The following PPP2R2B variants were observed in gnomAD, a reference collection of about 807,000 sequenced individuals.
PPP2R2B encodes serine/threonine-protein phosphatase 2A 55 kDa regulatory subunit B beta isoform.
Under a neutral mutation model 46.0 loss-of-function variants are expected in PPP2R2B, and 5 were observed. The observed-to-expected ratio is 0.11, with a 90% CI of 0.06 to 0.23. The LOEUF is 0.23. Ranked by LOEUF, PPP2R2B falls within the 10% of genes least tolerant of loss-of-function variation. The pLI is 1.00. For missense variants in PPP2R2B, 367 were observed against 575.0 expected, an observed-to-expected ratio of 0.64 and a Z score of 3.70; for synonymous variants, 215 against 206.7, an observed-to-expected ratio of 1.04 and a Z score of -0.34.
intron 2 of PPP2R2B, among the ~76,000 whole-genome samples, chr5:146,717,965 T>C (rs1780588064): frequency 6.6e-6 from 1 of 152,228 alleles, no homozygotes; most frequent in African/African-American, 2.4e-5. Context: ...CACATTGTTC[T>C]TTATAGTACT....
At chr5:147,040,818 A>C (rs1164492473) in intron 1 of PPP2R2B, 3 of 438,498 alleles carry the variant, frequency 6.8e-6, no homozygotes, top group African/African-American at 6.2e-5. Context: ...TAAAAAAAAA[A>C]AAAAAACTGT....
chr5:147,005,823 G>A (rs1391571871), intron 1 of PPP2R2B, among the ~76,000 whole-genome samples: 3 of 152,056 alleles, frequency 2.0e-5, no homozygotes, highest in Admixed American at 6.5e-5. Context: ...CAAACAGAGA[G>A]AAAGAGAAAT....
intron 2 of PPP2R2B, among the ~76,000 whole-genome samples, chr5:146,796,952 C>T (rs1192356911): frequency 6.6e-6 from 1 of 152,166 alleles, no homozygotes; most frequent in Non-Finnish European, 1.5e-5. Context: ...ATTTCACCAG[C>T]CTGTAACTCC....
chr5:146,929,778 T>C (rs1288887528), intron 1 of PPP2R2B, among the ~76,000 whole-genome samples: 3 of 152,192 alleles, frequency 2.0e-5, no homozygotes, highest in African/African-American at 7.2e-5. Context: ...AGGGTTTATA[T>C]CTTGGCTTGC....
At chr5:146,956,451 C>G (rs1470757815) in intron 1 of PPP2R2B, among the ~76,000 whole-genome samples, 1 of 152,114 alleles carries the variant, frequency 6.6e-6, no homozygotes, top group African/African-American at 2.4e-5. Flanking sequence ...TTTTGTTTCA[C>G]CAAAGATTTG....
intron 1 of PPP2R2B, chr5:147,040,912 C>T: frequency 2.6e-6 from 1 of 384,204 alleles, no homozygotes; most frequent in South Asian, 1.9e-5. Context: ...CTTATCAAGA[C>T]ACAAGCCTGC....
At chr5:146,642,124 C>T (rs1775263284) in intron 6 of PPP2R2B, among the ~76,000 whole-genome samples, 1 of 152,212 alleles carries the variant, frequency 6.6e-6, no homozygotes. Flanking sequence ...CTGGAGGCAG[C>T]TCTGAGGACA....
At chr5:146,603,929 AGAC>A (rs1403663235) in intron 7 of PPP2R2B, among the ~76,000 whole-genome samples, 1 of 152,244 alleles carries the variant, frequency 6.6e-6, no homozygotes, top group Non-Finnish European at 1.5e-5. Flanking sequence ...GCCATGTAGA[AGAC>A]CTTGCTGAGC....
intron 5 of PPP2R2B, among the ~76,000 whole-genome samples, chr5:146,677,449 G>A (rs1325748563): frequency 1.3e-5 from 2 of 151,702 alleles, no homozygotes; most frequent in Admixed American, 6.6e-5. Context: ...GTTTGTTTGC[G>A]GTTCAGGATT....
upstream of PPP2R2B, among the ~76,000 whole-genome samples, chr5:146,880,206 T>C (rs1420964362): frequency 6.6e-6 from 1 of 151,196 alleles, no homozygotes; most frequent in African/African-American, 2.4e-5. Context: ...TGTGTGTGTG[T>C]GTGTGTGTGT....
chr5:146,595,626 T>A (rs1771098008), intron 8 of PPP2R2B, among the ~76,000 whole-genome samples: 2 of 152,204 alleles, frequency 1.3e-5, no homozygotes, highest in African/African-American at 4.8e-5. Flanking sequence ...TGACAGCATT[T>A]AAAGAAAAAG....
At chr5:146,948,090 A>C (rs1381882678) in intron 1 of PPP2R2B, among the ~76,000 whole-genome samples, 2 of 151,844 alleles carry the variant, frequency 1.3e-5, no homozygotes, top group Non-Finnish European at 2.9e-5. Flanking sequence ...TGTTCATATA[A>C]TCGTTTCCCT....
At chr5:146,676,094 T>C (rs568144741) in intron 5 of PPP2R2B, among the ~76,000 whole-genome samples, 1 of 151,980 alleles carries the variant, frequency 6.6e-6, no homozygotes, top group Non-Finnish European at 1.5e-5. Flanking sequence ...ATTGAAACAA[T>C]GGCAGCTGGG....
In PPP2R2B at chr5:146,638,420, C is replaced by A; in HGVS notation, c.626-5G>T. 6.3e-7 allele frequency: 1 copy of A among 1,587,760 alleles called. No homozygotes were observed. Reference sequence around the variant, plus strand: ...CTGGCTTAATGTCCACAATATCTGGCACAGACGAGTCAAGGAAGGAACCAG... The same window carrying A: ...CTGGCTTAATGTCCACAATATCTGGAACAGACGAGTCAAGGAAGGAACCAG... On this transcript the variant is annotated splice_region_variant and splice_polypyrimidine_tract_variant and intron_variant, in intron 6 of 9. Coordinates refer to ENST00000394411, the MANE Select transcript of PPP2R2B (RefSeq NM_181675.4).
chr5:146,827,998 GAA>G (rs1491223086), intron 2 of PPP2R2B, among the ~76,000 whole-genome samples: 5 of 129,710 alleles, frequency 3.9e-5, no homozygotes, highest in Non-Finnish European at 6.4e-5. Flanking sequence ...TGGCCTAGTT[GAA>G]GAGAGAGAGA....
chr5:147,043,070 C>A (rs1162237311), intron 1 of PPP2R2B, among the ~76,000 whole-genome samples: 2 of 152,088 alleles, frequency 1.3e-5, no homozygotes, highest in African/African-American at 4.8e-5. Flanking sequence ...GATTGTGGAA[C>A]AATGATTTGC....
intron 2 of PPP2R2B, among the ~76,000 whole-genome samples, chr5:146,830,441 A>T (rs962024860): frequency 4.6e-5 from 7 of 152,120 alleles, no homozygotes; most frequent in Non-Finnish European, 7.3e-5. Context: ...CCCGAACCTT[A>T]AATGTTACCT....
intron 5 of PPP2R2B, among the ~76,000 whole-genome samples, chr5:146,654,838 C>T (rs1292789417): frequency 6.6e-6 from 1 of 152,172 alleles, no homozygotes; most frequent in African/African-American, 2.4e-5. Context: ...TCCCACACAC[C>T]ATCTGCCTGA....
At chr5:147,062,728 A>C (rs1757294291) in intron 2 of PPP2R2B, among the ~76,000 whole-genome samples, 1 of 151,878 alleles carries the variant, frequency 6.6e-6, no homozygotes, top group Non-Finnish European at 1.5e-5. Context: ...GTATCTGCTT[A>C]TTTGGAACTT....
Sources: gnomAD v4.1 joint callset for allele counts (sites outside exome capture counted in the v4.1 genomes callset) on GRCh38, gnomAD v4.1.1 for gene constraint, MANE v1.5 for transcripts, NCBI Gene and HGNC (gene_info 2026-07-23, HGNC 2026-07-21) for gene names.